The following RFX4 variants were observed in gnomAD, a reference collection of about 807,000 sequenced individuals.
The protein encoded by RFX4 is transcription factor RFX4.
A neutral mutation model predicts 95.0 loss-of-function variants in RFX4; 10 were observed. That is an observed-to-expected ratio of 0.11 (90% CI 0.06 to 0.18). The LOEUF (loss-of-function observed/expected upper bound fraction) is 0.18. Ranked by LOEUF, RFX4 falls within the 10% of genes least tolerant of loss-of-function variation. The pLI, the probability that RFX4 is intolerant of heterozygous loss-of-function variation, is 1.00. For synonymous variants in RFX4, 321 were observed against 340.7 expected, an observed-to-expected ratio of 0.94 and a Z score of 0.64; for missense variants, 640 against 922.0, an observed-to-expected ratio of 0.69 and a Z score of 3.96.
rs578057871 is a variant in RFX4, at chr12:106,684,589, A to T, written c.378-2295A>T. 168 of 824,582 alleles carry T rather than the reference A, an allele frequency of 2.0e-4. 1 individual carries two copies. Among genetic ancestry groups the T allele is most frequent in the Non-Finnish European group, 2.8e-4 (156 of 563,616 alleles). The allele number at this position is 824,582 out of a possible 1,614,324, so 51.1% of individuals were successfully genotyped here. On this transcript the variant is annotated intron_variant, in intron 5 of 17. Coordinates refer to ENST00000392842, the MANE Select transcript of RFX4 (RefSeq NM_213594.3). ...TGGTCTGGTCTGAACATATTAGATG[A>T]TCTGGCTCTTAAGAAGTTATAAAGG...
chr12:106,714,438 A>C (rs535368094), intron 10 of RFX4, among the ~76,000 whole-genome samples: 1 of 152,286 alleles, frequency 6.6e-6, no homozygotes, highest in African/African-American at 2.4e-5. Flanking sequence ...TTTAACTAAG[A>C]TTTTACTTGT....
intron 7 of RFX4, among the ~76,000 whole-genome samples, chr12:106,694,241 G>T (rs898448208): frequency 6.6e-6 from 1 of 152,204 alleles, no homozygotes. Flanking sequence ...AGAGGGGCAT[G>T]CCTTTATCCC....
chr12:106,663,301 T>C (rs1289397052), intron 4 of RFX4, among the ~76,000 whole-genome samples: 2 of 152,046 alleles, frequency 1.3e-5, no homozygotes, highest in East Asian at 1.9e-4. Context: ...CATAAGTATG[T>C]CATTTTGAGG....
intron 7 of RFX4, among the ~76,000 whole-genome samples, chr12:106,690,042 G>A (rs2041746792): frequency 1.3e-5 from 2 of 152,140 alleles, no homozygotes; most frequent in South Asian, 2.1e-4. Flanking sequence ...GCTATTGATG[G>A]AAGACATCCC....
chr12:106,599,780 G>A (rs1274998056), intron 1 of RFX4, among the ~76,000 whole-genome samples: 8 of 152,102 alleles, frequency 5.3e-5, no homozygotes, highest in Middle Eastern at 3.4e-3. Flanking sequence ...GCCTCCTACA[G>A]AGGGGGACAA....
intron 1 of RFX4, among the ~76,000 whole-genome samples, chr12:106,593,351 C>T (rs1313029290): frequency 1.3e-5 from 2 of 152,234 alleles, no homozygotes; most frequent in Non-Finnish European, 2.9e-5. Flanking sequence ...CTAAGTGAGA[C>T]TGCTGAATGT....
intron 6 of RFX4, 98 bp from the exon 7 acceptor site, chr12:106,689,189 C>A (rs908561843): frequency 2.0e-6 from 2 of 1,015,762 alleles, no homozygotes; most frequent in East Asian, 2.4e-5. Flanking sequence ...TGCATCCCCC[C>A]CACAGGGAAG....
At chr12:106,703,856 A>G (rs1397383076) in intron 8 of RFX4, among the ~76,000 whole-genome samples, 1 of 152,158 alleles carries the variant, frequency 6.6e-6, no homozygotes, top group African/African-American at 2.4e-5. Flanking sequence ...ACTCAAGGCC[A>G]GGAGTCTGAG....
chr12:106,717,130 G>A (rs2042309982), intron 11 of RFX4, among the ~76,000 whole-genome samples: 1 of 151,912 alleles, frequency 6.6e-6, no homozygotes, highest in South Asian at 2.1e-4. Flanking sequence ...CAGAAAGCAT[G>A]GCCCTGCACA....
At chr12:106,684,955 C>T (rs2041610083) in intron 5 of RFX4, 1 of 1,608,486 alleles carries the variant, frequency 6.2e-7, no homozygotes, top group South Asian at 1.1e-5. Context: ...TTTTGACGTG[C>T]TCATCTCTTC....
chr12:106,750,983 T>C (rs1246836498), intron 17 of RFX4, among the ~76,000 whole-genome samples, 190 bp downstream of exon 17: 1 of 151,910 alleles, frequency 6.6e-6, no homozygotes, highest in Non-Finnish European at 1.5e-5. Context: ...ATGTGCACAT[T>C]GTGCAGGTTA....
Position 106,726,567 on chromosome 12 carries a change from T to C in RFX4, c.1352-5563T>C, listed in dbSNP as rs184544783. Reference sequence around the variant, plus strand: ...AAAAGACAAAGACCTTAGCATACTTTATTCCTTGAAGATTCTCTTCTCATT... The same window carrying C: ...AAAAGACAAAGACCTTAGCATACTTCATTCCTTGAAGATTCTCTTCTCATT... On this transcript the variant is annotated intron_variant, in intron 13 of 17. Coordinates refer to ENST00000392842, the MANE Select transcript of RFX4 (RefSeq NM_213594.3). Among the ~76,000 whole-genome samples the C allele has an allele frequency of 1.6e-4, 25 of 152,380 alleles. No individual in the cohort carries two copies. In the East Asian group the frequency reaches 4.6e-3, roughly 28 times the overall value.
chr12:106,754,551 C>A (rs967435704), intron 17 of RFX4, among the ~76,000 whole-genome samples: 4 of 152,138 alleles, frequency 2.6e-5, no homozygotes, highest in African/African-American at 9.7e-5. Context: ...TCCTCATTCC[C>A]CCTCATGAAA....
intron 3 of RFX4, among the ~76,000 whole-genome samples, chr12:106,653,040 A>C (rs1430336988): frequency 6.6e-6 from 1 of 152,162 alleles, no homozygotes; most frequent in Non-Finnish European, 1.5e-5. Context: ...TCAAAGGAGA[A>C]ATGTTTCCTG....
At chr12:106,608,122 G>T (rs1338210989) in intron 1 of RFX4, among the ~76,000 whole-genome samples, 1 of 152,182 alleles carries the variant, frequency 6.6e-6, no homozygotes, top group Non-Finnish European at 1.5e-5. Flanking sequence ...CCGGGAGGCG[G>T]AGGTTGCAGT....
rs879134966 is a variant in RFX4, at chr12:106,762,709, A to T, written c.*1240A>T. On this transcript the variant is annotated 3_prime_UTR_variant, in exon 18 of 18. Coordinates refer to ENST00000392842, the MANE Select transcript of RFX4 (RefSeq NM_213594.3). The stretch of plus-strand genomic sequence containing the variant: ...ATCTTTGATCACACCACTCAGTGTG[A>T]TAATTGTGTCTACAGCTAAAATGGA... 6.6e-6 allele frequency: 1 copy of T among 152,544 alleles called. No individual in the cohort carries two copies. Among genetic ancestry groups the T allele is most frequent in the South Asian group, 2.1e-4 (1 of 4,824 alleles). The allele number at this position is 152,544 out of a possible 1,614,324, so 9.4% of individuals were successfully genotyped here.
At position 106,586,982 on chromosome 12, in the gene RFX4, C is replaced by T. The variant is rs76215932; in HGVS notation, c.43+3619C>T. Among the ~76,000 whole-genome samples the T allele has an allele frequency of 6.9e-3, 1,049 of 152,170 alleles. 7 individuals are homozygous for T. Among genetic ancestry groups the T allele is most frequent in the African/African-American group, 0.023 (972 of 41,550 alleles). ...CGCCCTCCCCGGGCGTGTGTGTGTG[C>T]GCGCGCGCGGGCGAACGGGGCATGT... On this transcript the variant is annotated intron_variant, in intron 1 of 17. Coordinates refer to ENST00000392842, the MANE Select transcript of RFX4 (RefSeq NM_213594.3). This position sits in a 1 kb window ranked among gnomAD's most constrained non-coding sequence, Gnocchi z 5.6.
chr12:106,725,305 C>T (rs558146279), intron 13 of RFX4, among the ~76,000 whole-genome samples: 2 of 152,224 alleles, frequency 1.3e-5, no homozygotes, highest in African/African-American at 2.4e-5. Context: ...GTCAAGGAGG[C>T]GCACAGACCC....
In RFX4 at chr12:106,747,479, C is replaced by T. The variant is rs778021053; in HGVS notation, c.1676C>T (p.Thr559Met). ...ACGTGGTCTCTAACATACACAGTGA[C>T]GACGGCTGCTGGGTCCCCAGCTGAG... ...SYTWSLTYTV[T>M]TAAGSPAENS... The change falls in exon 16 of 18, where the codon ACG becomes ATG. Residue 559 changes from threonine (T) to methionine (M), a missense_variant. Thr to Met is a moderately conservative substitution (Grantham distance 81). Around this residue, in one of 7 missense-constraint regions of RFX4, gnomAD observed 300 missense variants for 346.8 expected, o/e 0.87. Transcript: ENST00000392842. 1.2e-5 allele frequency: 19 copies of T among 1,614,000 alleles called. No individual in the cohort carries two copies. Among genetic ancestry groups the T allele is most frequent in the Admixed American group, 8.3e-5 (5 of 60,004 alleles).
Sources: gnomAD v4.1 joint callset for allele counts (sites outside exome capture counted in the v4.1 genomes callset) on GRCh38, gnomAD v4.1.1 for gene constraint, gnomAD v4.1.1 regional missense constraint, Gnocchi (gnomAD v3.1) non-coding constraint, MANE v1.5 for transcripts, NCBI Gene and HGNC (gene_info 2026-07-23, HGNC 2026-07-21) for gene names.